NUDT7: variants seen among roughly 807,000 people sequenced by gnomAD.
NUDT7 encodes the protein nudix hydrolase 7.
In NUDT7, 19 loss-of-function variants were observed where a neutral mutation model predicts 13.1. The observed-to-expected ratio is 1.45, with a 90% CI of 1.01 to 2.13. NUDT7 has a LOEUF of 2.13. NUDT7 is among the 30% of genes most tolerant of loss of function. NUDT7 has a pLI of 0.00. For missense variants in NUDT7, 360 were observed against 291.7 expected (o/e 1.23, Z -1.71); for synonymous variants, 132 against 109.7 (o/e 1.20, Z -1.27).
At position 77,742,215 on chromosome 16, in the gene NUDT7, A is replaced by G; in HGVS notation, c.*265A>G. On this transcript the variant is annotated 3_prime_UTR_variant, in exon 4 of 4. Transcript: ENST00000268533. ...TTTTCTTACACATATAATAAAGAAT[A>G]TCTGGCACATACTAGGCCCTTAATA... 1.1e-6 allele frequency: 1 copy of G among 918,020 alleles called. No homozygotes were observed. The allele number at this position is 918,020 out of a possible 1,614,324, so 56.9% of individuals were successfully genotyped here.
chr16:77,741,510 G>A, intron 3 of NUDT7, 72 bp from the exon 4 acceptor site: 2 of 1,457,556 alleles, frequency 1.4e-6, no homozygotes, highest in Non-Finnish European at 1.8e-6. Flanking sequence ...TCACCTAGAA[G>A]TGGCATGATT....
At chr16:77,727,062 G>A (rs1490814259) in intron 2 of NUDT7, among the ~76,000 whole-genome samples, 1 of 152,092 alleles carries the variant, frequency 6.6e-6, no homozygotes, top group African/African-American at 2.4e-5. Flanking sequence ...CCAAGATGAT[G>A]GTGCTAAACC....
intron 2 of NUDT7, among the ~76,000 whole-genome samples, chr16:77,730,375 G>C (rs567648403): frequency 6.6e-6 from 1 of 152,174 alleles, no homozygotes; most frequent in African/African-American, 2.4e-5. Flanking sequence ...GAGATCATGT[G>C]GCATCTGTGA....
intron 3 of NUDT7, among the ~76,000 whole-genome samples, chr16:77,739,413 T>C (rs892984569): frequency 1.3e-5 from 2 of 152,192 alleles, no homozygotes; most frequent in African/African-American, 4.8e-5. Context: ...GTAGGGTAAC[T>C]TCCTGACATT....
intron 2 of NUDT7, among the ~76,000 whole-genome samples, chr16:77,730,451 C>T (rs1375610320): frequency 6.6e-6 from 1 of 152,078 alleles, no homozygotes; most frequent in African/African-American, 2.4e-5. Context: ...GACAGGATTT[C>T]CTTCTTTTTT....
At chr16:77,735,040 C>G (rs1202222378) in intron 2 of NUDT7, among the ~76,000 whole-genome samples, 9 of 152,064 alleles carry the variant, frequency 5.9e-5, no homozygotes, top group Non-Finnish European at 8.8e-5. Context: ...TTCTGAGGAC[C>G]CAGTGGGAAA....
chr16:77,722,913 C>G (rs1451294918), intron 1 of NUDT7, among the ~76,000 whole-genome samples: 1 of 152,162 alleles, frequency 6.6e-6, no homozygotes, highest in African/African-American at 2.4e-5. Context: ...CCCCAGGACC[C>G]CCGACAGTGG....
At chr16:77,730,738 A>G (rs78372968) in intron 2 of NUDT7, among the ~76,000 whole-genome samples, 5,300 of 152,026 alleles carry the variant, frequency 0.035, 110 homozygotes, top group South Asian at 0.1. Flanking sequence ...AGAGTGTGTG[A>G]TAGTTCCCTT....
intron 2 of NUDT7, among the ~76,000 whole-genome samples, chr16:77,733,127 A>T (rs1024536102): frequency 3.2e-4 from 48 of 152,188 alleles, no homozygotes; most frequent in African/African-American, 6.8e-4. Context: ...TTAAAAAAAA[A>T]TTTTTAAGTC....
chr16:77,729,099 A>G (rs2014232648), intron 2 of NUDT7, among the ~76,000 whole-genome samples: 1 of 152,188 alleles, frequency 6.6e-6, no homozygotes, highest in Non-Finnish European at 1.5e-5. Flanking sequence ...TGAATAAGAA[A>G]TGTATACTAT....
At chr16:77,726,860 T>C (rs1166585616) in intron 2 of NUDT7, among the ~76,000 whole-genome samples, 1 of 152,094 alleles carries the variant, frequency 6.6e-6, no homozygotes, top group Non-Finnish European at 1.5e-5. Flanking sequence ...AAAAGAGGTT[T>C]CATTGAGTCA....
At chr16:77,734,690 T>C (rs147292967) in intron 2 of NUDT7, among the ~76,000 whole-genome samples, 1 of 151,974 alleles carries the variant, frequency 6.6e-6, no homozygotes, top group African/African-American at 2.4e-5. Context: ...CTGTGATCTA[T>C]ACACACAATA....
chr16:77,727,930 C>G (rs1422169663), intron 2 of NUDT7, among the ~76,000 whole-genome samples: 2 of 151,928 alleles, frequency 1.3e-5, no homozygotes, highest in South Asian at 2.1e-4. Context: ...TATAGGAAAT[C>G]TAGACAATAC....
rs28408415 is a variant in NUDT7, at chr16:77,726,661, G to T, written c.189+1077G>T. On this transcript the variant is annotated intron_variant, in intron 2 of 3. Coordinates refer to ENST00000268533, the MANE Select transcript of NUDT7 (RefSeq NM_001105663.3). ...AATACAAAAGAATTAGCCAGGCATG[G>T]TGGCACACACCTGTAATCCCAGCTA... Among the ~76,000 whole-genome samples the T allele has an allele frequency of 3.5e-3, 531 of 152,208 alleles. 2 individuals are homozygous for T. Among genetic ancestry groups the T allele is most frequent in the African/African-American group, 0.012 (505 of 41,522 alleles).
chr16:77,732,366 A>G (rs1009035939), intron 2 of NUDT7, among the ~76,000 whole-genome samples: 1 of 152,008 alleles, frequency 6.6e-6, no homozygotes, highest in African/African-American at 2.4e-5. Context: ...TTATAAACAT[A>G]CTATAGCCTA....
intron 2 of NUDT7, among the ~76,000 whole-genome samples, chr16:77,729,192 T>G (rs2014235699): frequency 6.6e-6 from 1 of 152,222 alleles, no homozygotes; most frequent in Admixed American, 6.5e-5. Flanking sequence ...TTTAGAAATG[T>G]GCCTGTTTTC....
chr16:77,729,169 T>C lies in NUDT7; in HGVS notation c.189+3585T>C, dbSNP rs529557615. Among the ~76,000 whole-genome samples the C allele has an allele frequency of 5.9e-5, 9 of 152,358 alleles. No individual in the cohort carries two copies. In the East Asian group the frequency reaches 1.7e-3, roughly 29 times the overall value. ...GAGCCCTTTGCAGTGCTAATAGTTT[T>C]TGATTAGTCAGTTTTAGAAATGTGC... On this transcript the variant is annotated intron_variant, in intron 2 of 3. Coordinates refer to ENST00000268533, the MANE Select transcript of NUDT7 (RefSeq NM_001105663.3).
chr16:77,735,078 C>T (rs1374951129), intron 2 of NUDT7, among the ~76,000 whole-genome samples: 1 of 152,120 alleles, frequency 6.6e-6, no homozygotes, highest in Non-Finnish European at 1.5e-5. Flanking sequence ...ATGCCCAGAA[C>T]ATAATAAGCA....
At chr16:77,735,782 C>A in intron 2 of NUDT7, 46 bp from the exon 3 acceptor site, 3 of 1,558,828 alleles carry the variant, frequency 1.9e-6, no homozygotes, top group South Asian at 1.1e-5. Flanking sequence ...ATAAATAGTT[C>A]CAAAATTAGA....
Sources: allele counts gnomAD v4.1 joint callset (sites outside exome capture counted in the v4.1 genomes callset), GRCh38; gene constraint gnomAD v4.1.1; transcripts MANE v1.5; gene names NCBI Gene and HGNC (gene_info 2026-07-23, HGNC 2026-07-21).